ARHGAP32: variants seen among roughly 807,000 people sequenced by gnomAD.
ARHGAP32 encodes Rho GTPase activating protein 32.
A neutral mutation model predicts 186.5 loss-of-function variants in ARHGAP32; 51 were observed. The ratio of observed to expected loss-of-function variants is 0.27; its 90% CI spans 0.22 to 0.35. The LOEUF (loss-of-function observed/expected upper bound fraction) is 0.35. ARHGAP32 is among the 10% of genes least tolerant of loss of function. The pLI, the probability that ARHGAP32 is intolerant of heterozygous loss-of-function variation, is 1.00. For missense variants in ARHGAP32, 2,186 were observed against 2,623.5 expected, an observed-to-expected ratio of 0.83 and a Z score of 3.64; for synonymous variants, 950 against 964.3, an observed-to-expected ratio of 0.99 and a Z score of 0.27.
At chr11:129,154,587 G>A (rs569657415) in intron 2 of ARHGAP32, among the ~76,000 whole-genome samples, 2 of 152,206 alleles carry the variant, frequency 1.3e-5, no homozygotes, top group East Asian at 3.9e-4. Flanking sequence ...GTAGCAACCT[G>A]GATGGGTTTG....
intron 1 of ARHGAP32, among the ~76,000 whole-genome samples, chr11:129,167,633 T>C (rs958978140): frequency 3.9e-5 from 6 of 152,174 alleles, no homozygotes; most frequent in African/African-American, 1.2e-4. Flanking sequence ...CCACAAATCA[T>C]ATAATTCTCT....
chr11:129,202,349 A>G lies in ARHGAP32; in HGVS notation c.-4-37922T>C, dbSNP rs530081573. Among the ~76,000 whole-genome samples, 171 of 152,282 alleles carry G rather than the reference A, an allele frequency of 1.1e-3. 1 individual carries two copies. The highest frequency in any genetic ancestry group is 1.4e-3 in the Non-Finnish European group (95 of 68,024). ...TGGATGCTGTTTTTCTACCCTGTATACCACAGAAGTCAATGAAAATGTTTA... is the reference window on the plus strand; with the variant it reads ...TGGATGCTGTTTTTCTACCCTGTATGCCACAGAAGTCAATGAAAATGTTTA... On this transcript the variant is annotated intron_variant, in intron 1 of 6. Coordinates refer to the ARHGAP32 transcript ENST00000525234.
chr11:129,127,946 A>C (rs537628357), intron 2 of ARHGAP32, among the ~76,000 whole-genome samples: 12 of 152,340 alleles, frequency 7.9e-5, no homozygotes, highest in African/African-American at 2.9e-4. Context: ...TAAACTCTCT[A>C]TGTGTCTATC....
At chr11:129,196,897 A>C (rs1160701638), upstream of ARHGAP32, among the ~76,000 whole-genome samples, 1 of 152,078 alleles carries the variant, frequency 6.6e-6, no homozygotes, top group Non-Finnish European at 1.5e-5. Context: ...TCTCTACTAA[A>C]AATATAAAAA....
chr11:129,133,698 CTAAGA>C (rs1233476513), intron 2 of ARHGAP32, among the ~76,000 whole-genome samples: 3 of 152,054 alleles, frequency 2.0e-5, no homozygotes, highest in African/African-American at 7.2e-5. Flanking sequence ...TAAGAACATA[CTAAGA>C]TAAGAGAAAA....
intron 6 of ARHGAP32, among the ~76,000 whole-genome samples, chr11:129,093,321 T>C (rs905107034): frequency 1.3e-5 from 2 of 152,208 alleles, no homozygotes; most frequent in Non-Finnish European, 2.9e-5. Context: ...TCATTGTTAT[T>C]TACTCATAAG....
intron 13 of ARHGAP32, among the ~76,000 whole-genome samples, 169 bp downstream of exon 13, chr11:128,987,854 A>G (rs552555446): frequency 6.6e-6 from 1 of 152,366 alleles, no homozygotes; most frequent in East Asian, 1.9e-4. Context: ...TACAGATGAA[A>G]AAAATGCCAT....
intron 5 of ARHGAP32, among the ~76,000 whole-genome samples, chr11:129,111,194 CT>C (rs1396276937): frequency 6.6e-6 from 1 of 152,118 alleles, no homozygotes; most frequent in Non-Finnish European, 1.5e-5. Context: ...TGGTTTTTGT[CT>C]TTCAGTCGGC....
In ARHGAP32 at chr11:128,983,045, T is replaced by C. The variant is rs562186150; in HGVS notation, c.1527-1109A>G. 9.7e-4 allele frequency among the ~76,000 whole-genome samples: 148 copies of C among 151,876 alleles called. 2 individuals are homozygous for C. The highest frequency in any genetic ancestry group is 3.4e-3 in the African/African-American group (142 of 41,398). On this transcript the variant is annotated intron_variant, in intron 15 of 22. Transcript: ENST00000682385. The stretch of plus-strand genomic sequence containing the variant: ...AACATGAATTTGAGAGGAAAAGGAA[T>C]ATCATAGTTAGACTCGGCATTAGGC...
chr11:129,165,919 G>A (rs961585661), intron 1 of ARHGAP32, among the ~76,000 whole-genome samples: 1 of 151,986 alleles, frequency 6.6e-6, no homozygotes, highest in African/African-American at 2.4e-5. Context: ...ATGGGGAGAA[G>A]AGGAATACAT....
intron 11 of ARHGAP32, among the ~76,000 whole-genome samples, chr11:129,016,029 T>C (rs1162900193): frequency 2.0e-5 from 3 of 152,198 alleles, no homozygotes; most frequent in Admixed American, 2.0e-4. Context: ...ATTAGATGTA[T>C]TTTTCAGTCC....
chr11:128,999,924 A>T (rs1283682902), intron 11 of ARHGAP32, among the ~76,000 whole-genome samples: 1 of 152,246 alleles, frequency 6.6e-6, no homozygotes, highest in Non-Finnish European at 1.5e-5. Flanking sequence ...CTTTATAATA[A>T]GTAAGACTTA....
chr11:129,219,732 C>T (rs547704746), intron 1 of ARHGAP32, among the ~76,000 whole-genome samples: 9 of 152,216 alleles, frequency 5.9e-5, no homozygotes, highest in Non-Finnish European at 7.4e-5. Flanking sequence ...TCTTGCCTGA[C>T]GCTTTCACAA....
intron 1 of ARHGAP32, chr11:129,202,996 T>C (rs1218950374): frequency 1.3e-5 from 2 of 152,160 alleles, no homozygotes; most frequent in African/African-American, 4.8e-5. Context: ...TATACTAAAA[T>C]TGGAACAATA....
At chr11:129,086,543 C>CGG (rs1489780446) in intron 6 of ARHGAP32, among the ~76,000 whole-genome samples, 16 of 152,166 alleles carry the variant, frequency 1.1e-4, no homozygotes, top group East Asian at 9.7e-4. Context: ...CACTGATGGC[C>CGG]GGGCATGGTG....
intron 10 of ARHGAP32, among the ~76,000 whole-genome samples, chr11:129,048,686 G>A (rs535763764): frequency 5.5e-4 from 84 of 152,266 alleles, no homozygotes; most frequent in Non-Finnish European, 9.6e-4. Flanking sequence ...GCATAATACT[G>A]AATATTGAAC....
intron 1 of ARHGAP32, among the ~76,000 whole-genome samples, chr11:129,165,882 A>G (rs1943629249): frequency 6.6e-6 from 1 of 152,128 alleles, no homozygotes. Context: ...TAGATGGATG[A>G]CAAGCAGTTA....
In ARHGAP32 at chr11:128,973,165, G is replaced by A; in HGVS notation, c.3341C>T (p.Thr1114Ile). 6.2e-7 allele frequency: 1 copy of A among 1,614,190 alleles called. No homozygotes were observed. Among genetic ancestry groups the A allele is most frequent in the Non-Finnish European group, 8.5e-7 (1 of 1,180,032 alleles). ...GTGGAACTGCTCTGCTGGTCGATCGGTTTGGAAATAGGCCTTATCTAGAGC... is the reference window on the plus strand; with the variant it reads ...GTGGAACTGCTCTGCTGGTCGATCGATTTGGAAATAGGCCTTATCTAGAGC... ...AVALDKAYFQ[T>I]DRPAEQFHLQ... The change falls in exon 22 of 23, where the codon ACC becomes ATC. Residue 1114 changes from threonine (T) to isoleucine (I), a missense_variant. Transcript: ENST00000682385.
intron 1 of ARHGAP32, among the ~76,000 whole-genome samples, chr11:129,250,306 T>C (rs189573312): frequency 1.0e-3 from 154 of 152,326 alleles, no homozygotes; most frequent in Middle Eastern, 3.4e-3. Flanking sequence ...ATGTAATCAC[T>C]AACTGCTGTG....
Sources: allele counts gnomAD v4.1 joint callset (sites outside exome capture counted in the v4.1 genomes callset), GRCh38; gene constraint gnomAD v4.1.1; transcripts MANE v1.5; gene names NCBI Gene and HGNC (gene_info 2026-07-23, HGNC 2026-07-21).